The following HUWE1 variants were observed in gnomAD, a reference collection of about 807,000 sequenced individuals.
HUWE1 encodes E3 ubiquitin-protein ligase HUWE1.
HUWE1 carries 18 observed loss-of-function variants against 299.4 expected under a neutral mutation model. The ratio of observed to expected loss-of-function variants is 0.06; its 90% CI spans 0.04 to 0.09. HUWE1 has a LOEUF of 0.09. Ranked by LOEUF, HUWE1 falls within the 10% of genes least tolerant of loss-of-function variation. The probability of loss-of-function intolerance (pLI) is 1.00; values close to 1 mark genes in which losing one functional copy is unlikely to be tolerated. For missense variants in HUWE1, 1,832 were observed against 3,462.3 expected (o/e 0.53, Z 11.82); for synonymous variants, 1,317 against 1,286.1 (o/e 1.02, Z -0.51).
In HUWE1 at chrX:53,533,575, C is replaced by T. The variant is rs782050563; in HGVS notation, c.13023-164G>A. On this transcript the variant is annotated intron_variant, in intron 83 of 83. Coordinates refer to ENST00000262854, the MANE Select transcript of HUWE1 (RefSeq NM_031407.7). ...GCCCAGTATGTCCCCCTTTATCTGG[C>T]TCCCAAACTGGCCATCAGGCACCAA... 4.3e-5 allele frequency: 21 copies of T among 485,443 alleles called. No homozygotes were observed. In the East Asian group the frequency reaches 6.6e-4, roughly 15 times the overall value. 40.0% of individuals were successfully genotyped at this position (485,443 alleles called of 1,213,427 possible). A position where few individuals can be genotyped will look rare whatever the true frequency, so the allele number is the denominator to read the frequency against.
rs976304085 is a variant in HUWE1, at chrX:53,532,133, A to G, written c.*1176T>C. ...TTTCTAACTAAATTTTTATTAAATTATTTTTTCTTTGAAGGCTGGAACCAT... is the reference window on the plus strand; with the variant it reads ...TTTCTAACTAAATTTTTATTAAATTGTTTTTTCTTTGAAGGCTGGAACCAT... On this transcript the variant is annotated 3_prime_UTR_variant, in exon 84 of 84. Transcript: ENST00000262854. 4 of 111,354 alleles carry G rather than the reference A, an allele frequency of 3.6e-5. No individual in the cohort carries two copies. The highest frequency in any genetic ancestry group is 6.5e-5 in the African/African-American group (2 of 30,560). The allele number at this position is 111,354 out of a possible 1,213,427, so 9.2% of individuals were successfully genotyped here.
Position 53,634,310 on chromosome X carries a change from A to G in HUWE1, c.505-12T>C. The G allele has an allele frequency of 8.4e-7, 1 of 1,187,475 alleles. No individual in the cohort carries two copies. The highest frequency in any genetic ancestry group is 1.1e-6 in the Non-Finnish European group (1 of 873,252). On this transcript the variant is annotated splice_polypyrimidine_tract_variant and intron_variant, in intron 7 of 83. Transcript: ENST00000262854. Reference sequence around the variant, plus strand: ...TTTCCACCCCAGCTCTTGAAAAAGGAAAAAGATAGTGTTAAGACAGTGCTT... The same window carrying G: ...TTTCCACCCCAGCTCTTGAAAAAGGGAAAAGATAGTGTTAAGACAGTGCTT...
Position 53,680,154 on chromosome X carries a change from C to G in HUWE1, c.-130G>C, listed in dbSNP as rs1557052621. The G allele has an allele frequency of 6.8e-6, 2 of 295,266 alleles. No homozygotes were observed. The highest frequency in any genetic ancestry group is 5.5e-5 in the African/African-American group (2 of 36,228). 24.3% of individuals were successfully genotyped at this position (295,266 alleles called of 1,213,427 possible). On this transcript the variant is annotated 5_prime_UTR_variant, in exon 3 of 84. Transcript: ENST00000262854. ...AGTTGGCCTGCTGGTTTCTCTGGAT[C>G]ACTAACCCACTCAGGTCAGGCTGCT...
At chrX:53,589,998 G>A (rs1391237933) in intron 35 of HUWE1, among the ~76,000 whole-genome samples, 182 bp from the exon 36 acceptor site, 1 of 112,121 alleles carries the variant, frequency 8.9e-6, no homozygotes, top group Non-Finnish European at 1.9e-5. Flanking sequence ...GAAGGTAGAA[G>A]GGAGGGATGC....
chrX:53,605,531 A>C (rs2065101257), intron 25 of HUWE1, among the ~76,000 whole-genome samples: 1 of 112,658 alleles, frequency 8.9e-6, no homozygotes, highest in Non-Finnish European at 1.9e-5. Context: ...GATCTTTCCA[A>C]GTCTGTAAGC....
At chrX:53,573,407 G>A (rs1556954123) in intron 47 of HUWE1, among the ~76,000 whole-genome samples, 1 of 111,558 alleles carries the variant, frequency 9.0e-6, no homozygotes, top group Admixed American at 9.4e-5. Flanking sequence ...GGGTTCAAGT[G>A]ATTCCCTTGC....
chrX:53,538,789 T>C, intron 76 of HUWE1, 46 bp downstream of exon 76: 1 of 1,143,885 alleles, frequency 8.7e-7, no homozygotes, highest in Non-Finnish European at 1.2e-6. Context: ...ACAATCCTGT[T>C]TAAAATGAAG....
chrX:53,588,565 GA>G, intron 36 of HUWE1, 31 bp from the exon 37 acceptor site: 7 of 1,175,946 alleles, frequency 6.0e-6, no homozygotes, highest in Non-Finnish European at 8.0e-6. Context: ...TTAAGTCACG[GA>G]ACCGCAGAGC....
intron 43 of HUWE1, among the ~76,000 whole-genome samples, chrX:53,578,649 C>T (rs1435107877): frequency 4.7e-5 from 4 of 85,861 alleles, no homozygotes; most frequent in South Asian, 6.6e-4. Context: ...GCCCCCCGCC[C>T]GGCCAGCCGC....
intron 42 of HUWE1, 64 bp from the exon 43 acceptor site, chrX:53,581,090 A>T: frequency 3.3e-6 from 3 of 901,351 alleles, no homozygotes; most frequent in Non-Finnish European, 4.7e-6. Flanking sequence ...AACTGCAGTC[A>T]AGAGTTACCA....
intron 49 of HUWE1, 144 bp from the exon 50 acceptor site, chrX:53,565,383 G>A: frequency 2.9e-5 from 15 of 524,022 alleles, no homozygotes; most frequent in Admixed American, 8.5e-5. Context: ...CTTTTGTTTA[G>A]AAAAAAAAAA....
intron 29 of HUWE1, among the ~76,000 whole-genome samples, chrX:53,598,975 G>C (rs782342436): frequency 1.8e-5 from 2 of 112,251 alleles, no homozygotes; most frequent in African/African-American, 6.5e-5. Flanking sequence ...CCTAATTAGG[G>C]AATAGTCTAC....
chrX:53,627,835 G>C lies in HUWE1; in HGVS notation c.1287C>G (p.Val429=). The C allele has an allele frequency of 5.0e-6, 6 of 1,209,371 alleles. No homozygotes were observed. Among genetic ancestry groups the C allele is most frequent in the Non-Finnish European group, 6.7e-6 (6 of 893,427 alleles). Residue 429 remains valine (V), a synonymous_variant, in exon 16 of 84, where the codon GTC becomes GTG. Coordinates refer to ENST00000262854, the MANE Select transcript of HUWE1 (RefSeq NM_031407.7). ...LGDEQDQITF[V]TRAVRVVDLI... ...GGTCAACCACTCTGACGGCTCTGGTGACAAATGTTATCTGGTCCTGTTCAT... is the reference window on the plus strand; with the variant it reads ...GGTCAACCACTCTGACGGCTCTGGTCACAAATGTTATCTGGTCCTGTTCAT...
chrX:53,628,943 A>G (rs782121624), intron 13 of HUWE1, 41 bp from the exon 14 acceptor site: 18 of 1,104,264 alleles, frequency 1.6e-5, no homozygotes, highest in Admixed American at 2.3e-5. Flanking sequence ...GTCAAATATA[A>G]TAAGATGACT....
At chrX:53,656,766 G>A (rs1407385060) in intron 3 of HUWE1, among the ~76,000 whole-genome samples, 2 of 110,518 alleles carry the variant, frequency 1.8e-5, no homozygotes, top group African/African-American at 6.6e-5. Flanking sequence ...AAATAAAAGA[G>A]GGAGGAATTG....
chrX:53,632,859 T>A (rs1285343022), intron 8 of HUWE1, among the ~76,000 whole-genome samples: 1 of 112,083 alleles, frequency 8.9e-6, no homozygotes, highest in Non-Finnish European at 1.9e-5. Context: ...ACTGTGGCTA[T>A]TCCCAAGGGG....
At chrX:53,578,177 C>T (rs2063282867) in intron 43 of HUWE1, among the ~76,000 whole-genome samples, 2 of 101,926 alleles carry the variant, frequency 2.0e-5, no homozygotes, top group African/African-American at 7.3e-5. Flanking sequence ...CCCCGCCGCC[C>T]TGTCTGGGAT....
intron 78 of HUWE1, chrX:53,537,136 T>A (rs1556913773): frequency 1.3e-5 from 3 of 230,974 alleles, no homozygotes; most frequent in Non-Finnish European, 1.6e-5. Flanking sequence ...ACAACTCCAA[T>A]AGGTCTTTCA....
chrX:53,535,542 T>C (rs1339027335), intron 80 of HUWE1, 41 bp from the exon 81 acceptor site: 9 of 903,334 alleles, frequency 1.0e-5, no homozygotes, highest in South Asian at 2.0e-5. Context: ...TCAGACTTCA[T>C]CTAGGATGGG....
Sources: allele counts gnomAD v4.1 joint callset (sites outside exome capture counted in the v4.1 genomes callset), GRCh38; gene constraint gnomAD v4.1.1; transcripts MANE v1.5; gene names NCBI Gene and HGNC (gene_info 2026-07-23, HGNC 2026-07-21).